The following IGF1R variants were observed in gnomAD, a reference collection of about 807,000 sequenced individuals.
IGF1R encodes the protein insulin-like growth factor 1 receptor.
A neutral mutation model predicts 144.6 loss-of-function variants in IGF1R; 44 were observed. The observed-to-expected ratio is 0.30, with a 90% CI of 0.24 to 0.39. The LOEUF (loss-of-function observed/expected upper bound fraction) is 0.39, where lower values mean the gene tolerates loss of function less well. Ranked by LOEUF, IGF1R falls within the 10% of genes least tolerant of loss-of-function variation. IGF1R has a pLI of 1.00. For missense variants in IGF1R, 1,355 were observed against 1,833.7 expected (o/e 0.74, Z 4.77); for synonymous variants, 795 against 722.8 (o/e 1.10, Z -1.60).
intron 5 of IGF1R, among the ~76,000 whole-genome samples, chr15:98,902,627 G>A (rs2151661685): frequency 6.6e-6 from 1 of 150,562 alleles, no homozygotes; most frequent in Non-Finnish European, 1.5e-5. Flanking sequence ...TGTTGTTCAG[G>A]CTGGTCTCAA....
chr15:98,782,103 G>A (rs1404320925), intron 2 of IGF1R, among the ~76,000 whole-genome samples: 1 of 152,140 alleles, frequency 6.6e-6, no homozygotes, highest in East Asian at 1.9e-4. Flanking sequence ...GTTTTAAATA[G>A]CATTTCTCAA....
rs71149408 is a variant in IGF1R at position 98,674,977 on chromosome 15, A to ATTTTTTTTTTT, written c.94+25316_94+25326dup. Reference sequence around the variant, plus strand: ...AAATGCTAAATTTAGGTATTTTACAATTTTTTTTTTTTTTTTTTTTTTTTG... The same window carrying ATTTTTTTTTTT: ...AAATGCTAAATTTAGGTATTTTACAATTTTTTTTTTTTTTTTTTTTTTTTTTTTTTTTTTTG... On this transcript the variant is annotated intron_variant, in intron 1 of 20. Transcript: ENST00000650285. 2.2e-4 allele frequency among the ~76,000 whole-genome samples: 22 copies of ATTTTTTTTTTT among 98,902 alleles called. 1 individual carries two copies. Among genetic ancestry groups the ATTTTTTTTTTT allele is most frequent in the African/African-American group, 8.8e-4 (21 of 23,980 alleles). The allele number at this position is 98,902 out of a possible 152,430, so 64.9% of individuals were successfully genotyped here. A position where few individuals can be genotyped will look rare whatever the true frequency, so the allele number is the denominator to read the frequency against.
At position 98,923,964 on chromosome 15, in the gene IGF1R, C is replaced by G. The variant is rs564624725; in HGVS notation, c.2574C>G (p.Pro858=). The G allele has an allele frequency of 3.7e-6, 6 of 1,613,832 alleles. No individual in the cohort carries two copies. The highest frequency in any genetic ancestry group is 1.3e-5 in the African/African-American group (1 of 75,042). ...TAAAGTGGCCGGAACCTGAGAATCC[C>G]AATGGATTGATTCTAATGTATGAAA... The part of the protein sequence containing the change: ...IFLKWPEPEN[P]NGLILMYEIK... Residue 858 remains proline (P), a synonymous_variant, in exon 12 of 21, where the codon CCC becomes CCG. Transcript: ENST00000650285.
chr15:98,874,680 T>C (rs932752365), intron 2 of IGF1R, among the ~76,000 whole-genome samples: 3 of 152,222 alleles, frequency 2.0e-5, no homozygotes, highest in African/African-American at 4.8e-5. Context: ...GATGTCGTGA[T>C]CTTGAGTTGC....
intron 2 of IGF1R, among the ~76,000 whole-genome samples, chr15:98,779,167 C>T (rs544015321): frequency 3.3e-5 from 5 of 152,224 alleles, no homozygotes; most frequent in Admixed American, 2.0e-4. Context: ...TATTCAAGGT[C>T]GGTGTATTTT....
intron 20 of IGF1R, among the ~76,000 whole-genome samples, chr15:98,950,397 G>C (rs778956228): frequency 6.6e-6 from 1 of 152,226 alleles, no homozygotes; most frequent in Non-Finnish European, 1.5e-5. Context: ...CAGAGTCACA[G>C]GAGGCAGAAA....
intron 2 of IGF1R, among the ~76,000 whole-genome samples, chr15:98,746,718 C>G (rs1379697472): frequency 6.6e-6 from 1 of 152,176 alleles, no homozygotes; most frequent in Admixed American, 6.5e-5. Context: ...ATTAAATTTC[C>G]CCTTGGGTTT....
chr15:98,954,586 C>T (rs933835072), intron 20 of IGF1R, among the ~76,000 whole-genome samples: 5 of 152,128 alleles, frequency 3.3e-5, no homozygotes, highest in African/African-American at 7.2e-5. Context: ...TTAAAAGAGG[C>T]GTCACATGGC....
At chr15:98,655,765 C>T (rs953086253) in intron 1 of IGF1R, among the ~76,000 whole-genome samples, 3 of 150,014 alleles carry the variant, frequency 2.0e-5, no homozygotes, top group Non-Finnish European at 4.4e-5. Context: ...GTCACCTAGG[C>T]TGGAATGCAG....
chr15:98,843,483 A>G (rs1412389064), intron 2 of IGF1R, among the ~76,000 whole-genome samples: 1 of 152,210 alleles, frequency 6.6e-6, no homozygotes. Context: ...AATTGCACTG[A>G]AAACGAAATT....
intron 2 of IGF1R, among the ~76,000 whole-genome samples, chr15:98,870,393 G>A (rs1405532030): frequency 1.3e-5 from 2 of 152,212 alleles, no homozygotes; most frequent in Non-Finnish European, 2.9e-5. Context: ...CCTACTCAGA[G>A]AGGGCGGTCA....
At chr15:98,741,584 C>G (rs888334303) in intron 2 of IGF1R, among the ~76,000 whole-genome samples, 16 of 152,300 alleles carry the variant, frequency 1.1e-4, no homozygotes, top group South Asian at 2.1e-4. Context: ...TTGATGGACT[C>G]TCAGGTGCTG....
intron 2 of IGF1R, among the ~76,000 whole-genome samples, chr15:98,833,451 GA>G (rs1171713898): frequency 6.6e-6 from 1 of 152,332 alleles, no homozygotes; most frequent in East Asian, 1.9e-4. Flanking sequence ...CTATTTTGTG[GA>G]AGTGAGCGAT....
At position 98,935,838 on chromosome 15, in the gene IGF1R, G is replaced by A. The variant is rs900196435; in HGVS notation, c.3297+412G>A. On this transcript the variant is annotated intron_variant, in intron 17 of 20. Coordinates refer to ENST00000650285, the MANE Select transcript of IGF1R (RefSeq NM_000875.5). This position sits in a 1 kb window ranked among gnomAD's most constrained non-coding sequence, Gnocchi z 4.2. ...CACATCCTCGTATGTGTTCTCTCTC[G>A]TTATGTTGTGTTGTGCTGTTGTTGG... 2.0e-5 allele frequency among the ~76,000 whole-genome samples: 3 copies of A among 152,038 alleles called. No homozygotes were observed. The highest frequency in any genetic ancestry group is 2.1e-4 in the South Asian group (1 of 4,824).
chr15:98,813,599 T>C (rs1365445102), intron 2 of IGF1R, among the ~76,000 whole-genome samples: 1 of 152,222 alleles, frequency 6.6e-6, no homozygotes, highest in African/African-American at 2.4e-5. Flanking sequence ...TTGGGGACTG[T>C]GAGTAACAGA....
intron 5 of IGF1R, among the ~76,000 whole-genome samples, 185 bp downstream of exon 5, chr15:98,899,806 T>C (rs1412183764): frequency 2.6e-5 from 4 of 152,128 alleles, no homozygotes; most frequent in African/African-American, 9.7e-5. Context: ...TCTTAGGAGG[T>C]TGCTGTTTGG....
At position 98,963,312 on chromosome 15, in the gene IGF1R, T is replaced by TC. The variant is rs900848506; in HGVS notation, c.*5876dup. On this transcript the variant is annotated 3_prime_UTR_variant, in exon 21 of 21. Coordinates refer to ENST00000650285, the MANE Select transcript of IGF1R (RefSeq NM_000875.5). ...ACCCCATCCGTGGTTCACCCTCTTTTCCCCCCATGCTTTTTGCCCTAGTTT... is the reference window on the plus strand; with the variant it reads ...ACCCCATCCGTGGTTCACCCTCTTTTCCCCCCCATGCTTTTTGCCCTAGTTT... The TC allele has an allele frequency of 8.6e-6, 2 of 233,208 alleles. No homozygotes were observed. The highest frequency in any genetic ancestry group is 1.7e-5 in the Non-Finnish European group (2 of 117,900). 14.4% of individuals were successfully genotyped at this position (233,208 alleles called of 1,614,324 possible). A position where few individuals can be genotyped will look rare whatever the true frequency, so the allele number is the denominator to read the frequency against.
intron 1 of IGF1R, among the ~76,000 whole-genome samples, chr15:98,668,378 C>G (rs545325956): frequency 6.6e-6 from 1 of 152,280 alleles, no homozygotes; most frequent in African/African-American, 2.4e-5. Context: ...CCAGGATTCT[C>G]TATGGAAGTT....
intron 2 of IGF1R, among the ~76,000 whole-genome samples, chr15:98,876,044 T>A (rs12907693): frequency 0.021 from 3,157 of 152,282 alleles, 48 homozygotes; most frequent in South Asian, 0.039. Flanking sequence ...TAATTCACTT[T>A]ACAATTTGCA....
Sources: gnomAD v4.1 joint callset for allele counts (sites outside exome capture counted in the v4.1 genomes callset) on GRCh38, gnomAD v4.1.1 for gene constraint, Gnocchi (gnomAD v3.1) non-coding constraint, MANE v1.5 for transcripts, NCBI Gene and HGNC (gene_info 2026-07-23, HGNC 2026-07-21) for gene names.